The following MACROD2 variants were observed in gnomAD, a reference collection of about 807,000 sequenced individuals.
MACROD2 encodes the protein ADP-ribose glycohydrolase MACROD2.
Under a neutral mutation model 70.4 loss-of-function variants are expected in MACROD2, and 36 were observed. The observed-to-expected ratio is 0.51, with a 90% CI of 0.39 to 0.68. The LOEUF is 0.68. Ranked by LOEUF, MACROD2 falls within the 30% of genes least tolerant of loss-of-function variation. MACROD2 has a pLI of 0.00. For missense variants in MACROD2, 496 were observed against 538.4 expected (o/e 0.92, Z 0.78); for synonymous variants, 172 against 178.8 (o/e 0.96, Z 0.30).
chr20:14,990,541 T>C (rs866525084), intron 5 of MACROD2, among the ~76,000 whole-genome samples: 6 of 141,782 alleles, frequency 4.2e-5, no homozygotes, highest in African/African-American at 1.6e-4. Context: ...TGAGATGGAG[T>C]CTCGCTCTGC....
chr20:14,525,019 G>A (rs994991759), intron 4 of MACROD2, among the ~76,000 whole-genome samples: 8 of 152,256 alleles, frequency 5.3e-5, no homozygotes, highest in African/African-American at 9.6e-5. Context: ...TGTTGAAAAC[G>A]CAGGGTGATA....
intron 5 of MACROD2, among the ~76,000 whole-genome samples, chr20:15,193,144 T>C (rs1248837381): frequency 6.6e-6 from 1 of 152,224 alleles, no homozygotes; most frequent in Non-Finnish European, 1.5e-5. Context: ...CTTTCTCTTC[T>C]CTCTCCTTTA....
At chr20:15,197,368 A>G (rs2076615211) in intron 5 of MACROD2, among the ~76,000 whole-genome samples, 1 of 152,126 alleles carries the variant, frequency 6.6e-6, no homozygotes, top group African/African-American at 2.4e-5. Context: ...ATTTTTAAAC[A>G]TTGAATGATA....
chr20:15,759,118 C>G (rs1020331615), intron 8 of MACROD2, among the ~76,000 whole-genome samples: 6 of 127,430 alleles, frequency 4.7e-5, no homozygotes, highest in Non-Finnish European at 9.3e-5. Flanking sequence ...TGTACTCCAG[C>G]CTGGGTGACA....
At chr20:15,283,711 AAAAG>A (rs1325052759) in intron 6 of MACROD2, among the ~76,000 whole-genome samples, 5 of 152,220 alleles carry the variant, frequency 3.3e-5, no homozygotes, top group East Asian at 3.9e-4. Context: ...ACAAAAAAGA[AAAAG>A]AAAAAGAAAA....
chr20:15,919,350 A>G (rs1203345946), intron 10 of MACROD2, among the ~76,000 whole-genome samples: 1 of 152,140 alleles, frequency 6.6e-6, no homozygotes, highest in Non-Finnish European at 1.5e-5. Flanking sequence ...GTGGCTTCTG[A>G]TACTTACATT....
At chr20:15,429,352 C>A (rs974791073) in intron 6 of MACROD2, among the ~76,000 whole-genome samples, 2 of 152,078 alleles carry the variant, frequency 1.3e-5, no homozygotes, top group Non-Finnish European at 2.9e-5. Flanking sequence ...TTAAAAAGAG[C>A]AGCTACTATG....
chr20:15,485,223 G>A (rs2047148789), intron 7 of MACROD2, among the ~76,000 whole-genome samples: 1 of 151,734 alleles, frequency 6.6e-6, no homozygotes, highest in South Asian at 2.1e-4. Flanking sequence ...CTGTTACTTT[G>A]TAAGAAGAAA....
At chr20:15,769,328 G>A (rs1448697651) in intron 8 of MACROD2, among the ~76,000 whole-genome samples, 2 of 151,868 alleles carry the variant, frequency 1.3e-5, no homozygotes, top group Non-Finnish European at 2.9e-5. Flanking sequence ...TGTATTTTTA[G>A]TACAGACAGG....
chr20:14,630,915 C>T (rs1984471937), intron 4 of MACROD2, among the ~76,000 whole-genome samples: 1 of 116,476 alleles, frequency 8.6e-6, no homozygotes, highest in Non-Finnish European at 1.7e-5. Flanking sequence ...TTTTGTTTTA[C>T]ATTTTGCCAC....
At chr20:14,201,156 A>C (rs374945635) in intron 3 of MACROD2, among the ~76,000 whole-genome samples, 1 of 152,248 alleles carries the variant, frequency 6.6e-6, no homozygotes, top group Non-Finnish European at 1.5e-5. Flanking sequence ...TTTTTAACGA[A>C]TCTGGAATTT....
intron 4 of MACROD2, among the ~76,000 whole-genome samples, chr20:14,663,275 A>G (rs1986319516): frequency 6.6e-6 from 1 of 152,034 alleles, no homozygotes; most frequent in Non-Finnish European, 1.5e-5. Flanking sequence ...GTGGGAGCTA[A>G]ATGATAAGAA....
intron 3 of MACROD2, among the ~76,000 whole-genome samples, chr20:14,493,142 GTTCTA>G (rs1272814641): frequency 6.6e-6 from 1 of 151,670 alleles, no homozygotes; most frequent in East Asian, 1.9e-4. Flanking sequence ...AAATAATATT[GTTCTA>G]TTCTACTTGA....
chr20:15,766,786 C>T (rs1315473591), intron 8 of MACROD2, among the ~76,000 whole-genome samples: 2 of 152,210 alleles, frequency 1.3e-5, no homozygotes, highest in African/African-American at 2.4e-5. Flanking sequence ...CAAACCGCCT[C>T]ATAGTATAAT....
intron 12 of MACROD2, among the ~76,000 whole-genome samples, chr20:15,954,814 C>A (rs1347499573): frequency 6.6e-6 from 1 of 152,106 alleles, no homozygotes; most frequent in Non-Finnish European, 1.5e-5. Flanking sequence ...TTTATCAAAT[C>A]CTTATTATAC....
chr20:16,038,809 T>C (rs952911682), intron 15 of MACROD2, among the ~76,000 whole-genome samples: 1 of 152,030 alleles, frequency 6.6e-6, no homozygotes, highest in Non-Finnish European at 1.5e-5. Context: ...ACTGTAGAGA[T>C]AACTTGAGGC....
chr20:14,930,093 C>T (rs1600840547), intron 5 of MACROD2, among the ~76,000 whole-genome samples: 1 of 142,564 alleles, frequency 7.0e-6, no homozygotes, highest in East Asian at 2.2e-4. Flanking sequence ...ACCCGGGAGG[C>T]GGAGCTTGCA....
intron 6 of MACROD2, among the ~76,000 whole-genome samples, chr20:15,330,050 C>A (rs1600249548): frequency 1.3e-5 from 2 of 152,142 alleles, no homozygotes; most frequent in East Asian, 1.9e-4. Flanking sequence ...GAGTTTATCA[C>A]CTCCTTTGTC....
At chr20:15,612,593 G>T (rs16996128) in intron 8 of MACROD2, among the ~76,000 whole-genome samples, 9,343 of 152,256 alleles carry the variant, frequency 0.061, 351 homozygotes, top group Middle Eastern at 0.13. Context: ...ACGTTCTGCG[G>T]AAGAAATGCT....
Sources: allele counts gnomAD v4.1 joint callset (sites outside exome capture counted in the v4.1 genomes callset), GRCh38; gene constraint gnomAD v4.1.1; transcripts MANE v1.5; gene names NCBI Gene and HGNC (gene_info 2026-07-23, HGNC 2026-07-21).